Variants in ADGRA2 observed in about 807,000 individuals in gnomAD.
The protein encoded by ADGRA2 is adhesion G protein-coupled receptor A2, also known as G-protein coupled receptor 124.
In ADGRA2, 61 loss-of-function variants were observed where a neutral mutation model predicts 98.7. The ratio of observed to expected loss-of-function variants is 0.62; its 90% CI spans 0.50 to 0.76. The LOEUF (loss-of-function observed/expected upper bound fraction) is 0.76. Ranked by LOEUF, ADGRA2 falls within the 30% of genes least tolerant of loss-of-function variation. The pLI is 0.00. For synonymous variants in ADGRA2, 858 were observed against 831.5 expected (o/e 1.03, Z -0.55); for missense variants, 1,712 against 1,860.0 (o/e 0.92, Z 1.46).
At chr8:37,824,680 G>A (rs531885769) in intron 2 of ADGRA2, among the ~76,000 whole-genome samples, 7 of 151,848 alleles carry the variant, frequency 4.6e-5, no homozygotes, top group Admixed American at 4.6e-4. Flanking sequence ...ATTTTTAGTA[G>A]AGACAAGGTT....
chr8:37,823,052 C>T (rs1009863458), intron 2 of ADGRA2, among the ~76,000 whole-genome samples: 2 of 151,790 alleles, frequency 1.3e-5, no homozygotes, highest in African/African-American at 2.4e-5. Context: ...CTACCACACC[C>T]GGCTAATTTT....
rs1237445763 is a variant in ADGRA2 at position 37,829,302 on chromosome 8, C to T, written c.452C>T (p.Thr151Ile). The change falls in exon 4 of 19, where the codon ACC (threonine) becomes ATC (isoleucine). Residue 151 changes from threonine to isoleucine, a missense_variant. Thr to Ile is a moderately conservative substitution (Grantham distance 89). Coordinates refer to ENST00000412232, the MANE Select transcript of ADGRA2 (RefSeq NM_032777.10). ...NNRIGCLTSE[T>I]FQGLPRLLRL... Reference sequence around the variant, plus strand: ...CGGATTGGCTGTCTCACCTCCGAGACCTTCCAGGGCCTCCCCAGGCTTCTC... The same window carrying T: ...CGGATTGGCTGTCTCACCTCCGAGATCTTCCAGGGCCTCCCCAGGCTTCTC... 3 of 1,613,668 alleles carry T rather than the reference C, an allele frequency of 1.9e-6. No individual in the cohort carries two copies. The highest frequency in any genetic ancestry group is 2.2e-5 in the South Asian group (2 of 91,036).
At chr8:37,812,350 G>C (rs1454008428) in intron 1 of ADGRA2, among the ~76,000 whole-genome samples, 2 of 152,174 alleles carry the variant, frequency 1.3e-5, no homozygotes, top group East Asian at 3.9e-4. Context: ...ATTTGTGGCT[G>C]GGCGCGGTGG....
chr8:37,829,591 A>G (rs765817014), intron 5 of ADGRA2, 32 bp downstream of exon 5: 2 of 1,481,802 alleles, frequency 1.3e-6, no homozygotes, highest in East Asian at 2.3e-5. Context: ...AAGGACCCAG[A>G]CCCCTGTCCC....
At chr8:37,840,068 G>T in intron 16 of ADGRA2, 53 bp from the exon 17 acceptor site, 1 of 1,485,002 alleles carries the variant, frequency 6.7e-7, no homozygotes, top group South Asian at 1.3e-5. Flanking sequence ...GAAGCTCTGG[G>T]AGGGTCCAGT....
rs1459133403 is a variant in ADGRA2 at position 37,814,437 on chromosome 8, AG to A, written c.267-458del. On this transcript the variant is annotated intron_variant, in intron 1 of 18. Transcript: ENST00000412232. This position sits in a 1 kb window ranked among gnomAD's most constrained non-coding sequence, Gnocchi z 4.3. ...AGTGTGCGAGCCTCCGAGGAAGGGC[AG>A]CTCCCGCCTGCCTCCAGACCTTCTG... Among the ~76,000 whole-genome samples the A allele has an allele frequency of 1.3e-5, 2 of 152,150 alleles. No individual in the cohort carries two copies.
chr8:37,813,949 G>A (rs563854423), intron 1 of ADGRA2, among the ~76,000 whole-genome samples: 1 of 152,300 alleles, frequency 6.6e-6, no homozygotes, highest in Non-Finnish European at 1.5e-5. Context: ...TCAAGGAAAG[G>A]CCCAGGGCCT....
At position 37,824,297 on chromosome 8, in the gene ADGRA2, G is replaced by A. The variant is rs572607375; in HGVS notation, c.339-4591G>A. Among the ~76,000 whole-genome samples the A allele has an allele frequency of 1.4e-3, 205 of 151,766 alleles. 2 individuals carry two copies. Among genetic ancestry groups the A allele is most frequent in the African/African-American group, 4.6e-3 (191 of 41,422 alleles). On this transcript the variant is annotated intron_variant, in intron 2 of 18. Coordinates refer to ENST00000412232, the MANE Select transcript of ADGRA2 (RefSeq NM_032777.10). The stretch of plus-strand genomic sequence containing the variant: ...GCCCGCCTTGGCCACCCAGAGTGCT[G>A]GGATTACATGCATGAGCCATCATGC...
chr8:37,835,030 A>T, intron 11 of ADGRA2, 144 bp from the exon 12 acceptor site: 1 of 623,620 alleles, frequency 1.6e-6, no homozygotes. Context: ...TCCTCTAAAA[A>T]AAAAAAGAGA....
intron 1 of ADGRA2, among the ~76,000 whole-genome samples, chr8:37,812,218 T>C (rs1260424699): frequency 6.6e-6 from 1 of 152,010 alleles, no homozygotes; most frequent in Non-Finnish European, 1.5e-5. Flanking sequence ...GAATTTGGGG[T>C]ATTTGAAGTG....
rs548904835 is a variant in ADGRA2, at chr8:37,831,931, G to A, written c.1097+344G>A. 1.6e-3 allele frequency among the ~76,000 whole-genome samples: 243 copies of A among 152,166 alleles called. 1 individual carries two copies. The highest frequency in any genetic ancestry group is 2.7e-3 in the Non-Finnish European group (184 of 68,018). ...AAAAATCAGCCAGGCATGGTGGTGC[G>A]TGCCTGTAATCCCAACTACTCAGGA... is the stretch of plus-strand genomic sequence containing the variant. On this transcript the variant is annotated intron_variant, in intron 8 of 18. Coordinates refer to ENST00000412232, the MANE Select transcript of ADGRA2 (RefSeq NM_032777.10).
Position 37,842,252 on chromosome 8 carries a change from C to T in ADGRA2, c.3914C>T (p.Ala1305Val). ...YPLNAASLNG[A>V]PKGGKYDDVT... ...CTCAACGCCGCCAGCCTAAACGGCGCCCCCAAGGGGGGCAAGTACGACGAC... is the reference window on the plus strand; with the variant it reads ...CTCAACGCCGCCAGCCTAAACGGCGTCCCCAAGGGGGGCAAGTACGACGAC... The change falls in exon 19 of 19, where the codon GCC (alanine) becomes GTC (valine). Residue 1305 changes from alanine to valine, a missense_variant. By Grantham distance (64) the Ala-to-Val change is moderately conservative. Transcript: ENST00000412232. The T allele has an allele frequency of 6.4e-7, 1 of 1,559,378 alleles. No homozygotes were observed. The highest frequency in any genetic ancestry group is 8.7e-7 in the Non-Finnish European group (1 of 1,153,282).
rs779828404 is a variant in ADGRA2 at position 37,838,976 on chromosome 8, G to A, written c.2280G>A (p.Arg760=). ...AVLMELSAFP[R]EVGGAGAGLH... ...CCCAGGAGCTGAGCGCCTTTCCCAG[G>A]GAGGTGGGGGGCGCCGGGGCAGGGC... is the stretch of plus-strand genomic sequence containing the variant. Residue 760 remains arginine (R), a synonymous_variant, in exon 15 of 19, where the codon AGG becomes AGA. Coordinates refer to ENST00000412232, the MANE Select transcript of ADGRA2 (RefSeq NM_032777.10). The A allele has an allele frequency of 1.2e-5, 19 of 1,574,450 alleles. No individual in the cohort carries two copies. In the East Asian group the frequency reaches 3.4e-4, roughly 28 times the overall value.
At chr8:37,820,558 T>C (rs1805098892) in intron 2 of ADGRA2, among the ~76,000 whole-genome samples, 1 of 152,248 alleles carries the variant, frequency 6.6e-6, no homozygotes, top group African/African-American at 2.4e-5. Context: ...CTGATCCCTC[T>C]GTCCTGTCAA....
rs761350049 is a variant in ADGRA2 at position 37,841,382 on chromosome 8, C to T, written c.3044C>T (p.Pro1015Leu). The change falls in exon 19 of 19, where the codon CCG becomes CTG. Residue 1015 changes from proline (P) to leucine (L), a missense_variant. Pro to Leu is a moderately conservative substitution (Grantham distance 98, BLOSUM62 -3). Transcript: ENST00000412232. The surrounding 1 kb of genome is among the most constrained non-coding windows in gnomAD (Gnocchi z 5.0). ...PPEDGDSLYS[P>L]GVQLGALVTT... ...GAGGATGGTGACAGCCTCTATTCTC[C>T]GGGAGTCCAGCTAGGGGCGCTGGTG... 6 of 1,611,054 alleles carry T rather than the reference C, an allele frequency of 3.7e-6. No homozygotes were observed. The highest frequency in any genetic ancestry group is 4.5e-5 in the East Asian group (2 of 44,764).
At chr8:37,819,749 CA>C (rs1805079294) in intron 2 of ADGRA2, among the ~76,000 whole-genome samples, 1 of 152,054 alleles carries the variant, frequency 6.6e-6, no homozygotes, top group South Asian at 2.1e-4. Flanking sequence ...TGGCTCACTG[CA>C]ACCTCCACCT....
rs1235775310 is a variant in ADGRA2 at position 37,830,750 on chromosome 8, C to T, written c.759C>T (p.Ser253=). ...TGCACACACACCACCTCATCCCGTCCCTACGCCAAGTGGTGTTCCAGGGGG... is the reference window on the plus strand; with the variant it reads ...TGCACACACACCACCTCATCCCGTCTCTACGCCAAGTGGTGTTCCAGGGGG... ...LELHTHHLIP[S]LRQVVFQGDR... Residue 253 remains serine, a synonymous_variant, in exon 7 of 19, where the codon TCC becomes TCT. Transcript: ENST00000412232. This position sits in a 1 kb window ranked among gnomAD's most constrained non-coding sequence, Gnocchi z 4.8. 1 of 1,606,228 alleles carries T rather than the reference C, an allele frequency of 6.2e-7. No homozygotes were observed. The highest frequency in any genetic ancestry group is 8.5e-7 in the Non-Finnish European group (1 of 1,176,702).
intron 2 of ADGRA2, among the ~76,000 whole-genome samples, chr8:37,828,473 G>C (rs1283011382): frequency 6.8e-6 from 1 of 146,820 alleles, no homozygotes; most frequent in Non-Finnish European, 1.5e-5. Context: ...CTGTCCGAGG[G>C]GGTGGTTCTT....
Position 37,835,748 on chromosome 8 carries a change from C to A in ADGRA2, c.2028C>A (p.Thr676=). The A allele has an allele frequency of 6.2e-7, 1 of 1,612,268 alleles. No homozygotes were observed. Among genetic ancestry groups the A allele is most frequent in the African/African-American group, 1.3e-5 (1 of 74,996 alleles). The change falls in exon 13 of 19, where the codon ACC becomes ACA. Residue 676 remains threonine, a synonymous_variant. Transcript: ENST00000412232. ...AGPGKRRGVA[T]PVIFAGTSGC... Reference sequence around the variant, plus strand: ...CTGGCAAGAGGCGTGGCGTGGCCACCCCCGTCATCTTCGCAGGAACCAGTA... The same window carrying A: ...CTGGCAAGAGGCGTGGCGTGGCCACACCCGTCATCTTCGCAGGAACCAGTA...
Sources: gnomAD v4.1 joint callset for allele counts (sites outside exome capture counted in the v4.1 genomes callset) on GRCh38, gnomAD v4.1.1 for gene constraint, Gnocchi (gnomAD v3.1) non-coding constraint, MANE v1.5 for transcripts, NCBI Gene and HGNC (gene_info 2026-07-23, HGNC 2026-07-21) for gene names.